GALNT1: variants seen among roughly 807,000 people sequenced by gnomAD.
GALNT1 encodes GalNAc transferase 1.
GALNT1 carries 17 observed loss-of-function variants against 65.7 expected under a neutral mutation model. The ratio of observed to expected loss-of-function variants is 0.26; its 90% CI spans 0.18 to 0.39. The LOEUF is 0.39. Among genes scored for constraint, GALNT1 ranks in the 10% least tolerant of loss-of-function variants. The pLI, the probability that GALNT1 is intolerant of heterozygous loss-of-function variation, is 1.00. For synonymous variants in GALNT1, 210 were observed against 219.7 expected (o/e 0.96, Z 0.39); for missense variants, 460 against 672.8 (o/e 0.68, Z 3.50).
chr18:35,610,470 C>G (rs183379284), intron 1 of GALNT1, among the ~76,000 whole-genome samples: 1 of 152,154 alleles, frequency 6.6e-6, no homozygotes, highest in Non-Finnish European at 1.5e-5. Flanking sequence ...AGAGCAGGGA[C>G]CTTGTCTGTC....
rs150733553 is a variant in GALNT1, at chr18:35,618,473, G to A, written c.-103-36087G>A. 6.4e-3 allele frequency among the ~76,000 whole-genome samples: 972 copies of A among 152,194 alleles called. 10 individuals are homozygous for A. The highest frequency in any genetic ancestry group is 0.022 in the African/African-American group (895 of 41,556). ...ACATCTGCAAAAAATTTATCTTTTAGTTGCATTATGGGTAATAAAGACAAA... is the reference window on the plus strand; with the variant it reads ...ACATCTGCAAAAAATTTATCTTTTAATTGCATTATGGGTAATAAAGACAAA... On this transcript the variant is annotated intron_variant, in intron 1 of 11. Coordinates refer to ENST00000269195, the MANE Select transcript of GALNT1 (RefSeq NM_020474.4).
chr18:35,678,246 G>GT (rs1172750086), intron 4 of GALNT1, among the ~76,000 whole-genome samples: 2 of 152,094 alleles, frequency 1.3e-5, no homozygotes, highest in Non-Finnish European at 2.9e-5. Flanking sequence ...CCATTTCTAA[G>GT]TTTCAGGAAT....
chr18:35,703,060 T>TA (rs397858173), intron 10 of GALNT1, 65 bp downstream of exon 10: 3 of 923,194 alleles, frequency 3.2e-6, no homozygotes, highest in Middle Eastern at 2.3e-4. Context: ...GCCTTTTTTT[T>TA]ATACCATGAC....
At chr18:35,589,030 T>C (rs2046412398) in intron 1 of GALNT1, among the ~76,000 whole-genome samples, 1 of 152,214 alleles carries the variant, frequency 6.6e-6, no homozygotes, top group Non-Finnish European at 1.5e-5. Context: ...TTAAGCCTTC[T>C]GTTTTAGCTC....
At chr18:35,618,603 A>T (rs1281520723) in intron 1 of GALNT1, among the ~76,000 whole-genome samples, 1 of 152,230 alleles carries the variant, frequency 6.6e-6, no homozygotes, top group Non-Finnish European at 1.5e-5. Context: ...AAAATAATAC[A>T]AAAGAAATGT....
At chr18:35,586,825 T>C (rs1421168670) in intron 1 of GALNT1, among the ~76,000 whole-genome samples, 1 of 152,244 alleles carries the variant, frequency 6.6e-6, no homozygotes, top group Non-Finnish European at 1.5e-5. Context: ...CCTTTGCTTT[T>C]CCTTATAAAT....
chr18:35,705,876 G>T (rs541867205), intron 11 of GALNT1, among the ~76,000 whole-genome samples: 1 of 152,168 alleles, frequency 6.6e-6, no homozygotes, highest in African/African-American at 2.4e-5. Flanking sequence ...GGTGGTTGCT[G>T]CAGCTTTATC....
chr18:35,677,290 A>G (rs548437518), intron 3 of GALNT1, among the ~76,000 whole-genome samples: 29 of 152,336 alleles, frequency 1.9e-4, no homozygotes, highest in Non-Finnish European at 3.8e-4. Flanking sequence ...TTTTGGGCAG[A>G]TAATATAGCT....
chr18:35,701,468 T>C (rs2048162798), intron 9 of GALNT1, among the ~76,000 whole-genome samples: 1 of 152,232 alleles, frequency 6.6e-6, no homozygotes, highest in Admixed American at 6.5e-5. Context: ...TGCAAATTGG[T>C]ATTTTACCAT....
intron 3 of GALNT1, among the ~76,000 whole-genome samples, chr18:35,674,648 A>G (rs2047682041): frequency 6.6e-6 from 1 of 152,176 alleles, no homozygotes; most frequent in Admixed American, 6.5e-5. Context: ...CTTTCTTCCT[A>G]ACCTATACCT....
intron 1 of GALNT1, among the ~76,000 whole-genome samples, chr18:35,598,990 C>T (rs530806989): frequency 1.5e-4 from 19 of 129,056 alleles, no homozygotes; most frequent in Middle Eastern, 4.7e-3. Flanking sequence ...TGTATCCAGG[C>T]GTTTTTTTTT....
In GALNT1 at chr18:35,650,541, C is replaced by T. The variant is rs138374288; in HGVS notation, c.-103-4019C>T. 3.5e-3 allele frequency among the ~76,000 whole-genome samples: 529 copies of T among 152,204 alleles called. 7 individuals carry two copies. The highest frequency in any genetic ancestry group is 0.012 in the African/African-American group (503 of 41,522). ...TAAGCCTGGGAGTGCTACGGGAGAC[C>T]GGGGCTTATTTCATCCCTTATCTAC... On this transcript the variant is annotated intron_variant, in intron 1 of 11. Transcript: ENST00000269195.
rs866242826 is a variant in GALNT1 at position 35,691,167 on chromosome 18, G to T, written c.1134G>T (p.Lys378Asn). ...RLAEVWMDEF[K>N]NFFYIISPGV... is the part of the protein sequence containing the mutation. Reference sequence around the variant, plus strand: ...CAGAAGTGTGGATGGATGAATTCAAGAATTTCTTCTATATAATTTCTCCAG... The same window carrying T: ...CAGAAGTGTGGATGGATGAATTCAATAATTTCTTCTATATAATTTCTCCAG... Residue 378 changes from lysine (K) to asparagine (N), a missense_variant, in exon 8 of 12, where the codon AAG becomes AAT. Lys to Asn is a moderately conservative substitution (Grantham distance 94). Coordinates refer to ENST00000269195, the MANE Select transcript of GALNT1 (RefSeq NM_020474.4). The T allele has an allele frequency of 6.2e-7, 1 of 1,605,318 alleles. No homozygotes were observed. Among genetic ancestry groups the T allele is most frequent in the Non-Finnish European group, 8.5e-7 (1 of 1,177,264 alleles).
At chr18:35,619,694 G>A (rs1021898774) in intron 1 of GALNT1, among the ~76,000 whole-genome samples, 4 of 152,194 alleles carry the variant, frequency 2.6e-5, no homozygotes, top group Admixed American at 2.6e-4. Flanking sequence ...CAACAGTGTA[G>A]TAACTGTCTG....
intron 1 of GALNT1, among the ~76,000 whole-genome samples, chr18:35,645,715 C>T (rs532586958): frequency 6.1e-4 from 93 of 152,074 alleles, no homozygotes; most frequent in Non-Finnish European, 1.2e-3. Flanking sequence ...TTTTTTTCCC[C>T]CTAATCCTTA....
At chr18:35,650,598 C>T (rs182055202) in intron 1 of GALNT1, among the ~76,000 whole-genome samples, 1 of 152,112 alleles carries the variant, frequency 6.6e-6, no homozygotes, top group African/African-American at 2.4e-5. Context: ...CCAAAGCGGC[C>T]ATTTCAGAGA....
At chr18:35,677,157 G>A (rs1201881515) in intron 3 of GALNT1, among the ~76,000 whole-genome samples, 4 of 152,264 alleles carry the variant, frequency 2.6e-5, no homozygotes, top group East Asian at 3.9e-4. Flanking sequence ...CCTGGTACAC[G>A]ATAGGTACTC....
chr18:35,615,752 CT>C (rs774178265), intron 1 of GALNT1, among the ~76,000 whole-genome samples: 16 of 152,184 alleles, frequency 1.1e-4, no homozygotes, highest in Admixed American at 2.0e-4. Context: ...AAAGCAAGAG[CT>C]GTTTCTTAGG....
Position 35,653,158 on chromosome 18 carries a change from G to A in GALNT1, c.-103-1402G>A, listed in dbSNP as rs145686743. Among the ~76,000 whole-genome samples the A allele has an allele frequency of 2.9e-3, 436 of 152,254 alleles. 1 individual carries two copies. Among genetic ancestry groups the A allele is most frequent in the African/African-American group, 9.7e-3 (403 of 41,536 alleles). ...GGTATTGAGTAAGCATGATTTTGAG[G>A]TAAGAACATGACAGTAGCATCCTTG... On this transcript the variant is annotated intron_variant, in intron 1 of 11. Transcript: ENST00000269195.
Sources: gnomAD v4.1 joint callset for allele counts (sites outside exome capture counted in the v4.1 genomes callset) on GRCh38, gnomAD v4.1.1 for gene constraint, MANE v1.5 for transcripts, NCBI Gene and HGNC (gene_info 2026-07-23, HGNC 2026-07-21) for gene names.